Variants in VPS53 observed in about 807,000 individuals in gnomAD.
The protein encoded by VPS53 is vacuolar protein sorting-associated protein 53 homolog.
VPS53 carries 70 observed loss-of-function variants against 107.0 expected under a neutral mutation model. That is an observed-to-expected ratio of 0.65 (90% CI 0.54 to 0.80). The LOEUF is 0.80. Among genes scored for constraint, VPS53 ranks in the 30% least tolerant of loss-of-function variants. The pLI is 0.00. For missense variants in VPS53, 917 were observed against 1,049.4 expected (o/e 0.87, Z 1.74); for synonymous variants, 409 against 393.3 (o/e 1.04, Z -0.47).
intron 15 of VPS53, among the ~76,000 whole-genome samples, chr17:554,081 A>G (rs1465005372): frequency 2.0e-5 from 3 of 152,298 alleles, no homozygotes; most frequent in Non-Finnish European, 2.9e-5. Context: ...TGATTTTAAG[A>G]TACTCCCTGC....
At chr17:557,461 T>TG (rs60829015) in intron 15 of VPS53, among the ~76,000 whole-genome samples, 2,541 of 152,246 alleles carry the variant, frequency 0.017, 81 homozygotes, top group African/African-American at 0.057. Flanking sequence ...ATTTTGGGGT[T>TG]GGGGGGACAC....
chr17:679,117 A>G (rs900605099), intron 4 of VPS53, among the ~76,000 whole-genome samples: 2 of 152,202 alleles, frequency 1.3e-5, no homozygotes, highest in African/African-American at 4.8e-5. Flanking sequence ...AAAGAGGAGA[A>G]CTGACAAATA....
intron 2 of VPS53, among the ~76,000 whole-genome samples, chr17:709,145 G>A (rs1231625193): frequency 6.6e-6 from 1 of 151,730 alleles, no homozygotes; most frequent in African/African-American, 2.4e-5. Flanking sequence ...ACCCTCCGCA[G>A]CACGCTCTGT....
chr17:632,152 C>T (rs1046157832), intron 7 of VPS53, among the ~76,000 whole-genome samples: 1 of 152,060 alleles, frequency 6.6e-6, no homozygotes, highest in African/African-American at 2.4e-5. Context: ...GAGGCTGCGG[C>T]GGGAGGATCT....
intron 15 of VPS53, among the ~76,000 whole-genome samples, chr17:557,346 C>A (rs984598898): frequency 6.6e-6 from 1 of 152,130 alleles, no homozygotes; most frequent in Non-Finnish European, 1.5e-5. Context: ...TTAGATAAGG[C>A]CCCCCACCAA....
At chr17:592,091 A>G (rs1484764066) in intron 12 of VPS53, among the ~76,000 whole-genome samples, 2 of 152,166 alleles carry the variant, frequency 1.3e-5, no homozygotes, top group Non-Finnish European at 2.9e-5. Context: ...TTGGGTGCAT[A>G]TATATTTAGG....
At chr17:559,455 G>A (rs1338234851) in intron 15 of VPS53, among the ~76,000 whole-genome samples, 1 of 152,222 alleles carries the variant, frequency 6.6e-6, no homozygotes, top group Non-Finnish European at 1.5e-5. Flanking sequence ...AGTGGCCTGG[G>A]GCTAAACGGA....
intron 11 of VPS53, among the ~76,000 whole-genome samples, chr17:606,540 C>T (rs1210972639): frequency 6.6e-6 from 1 of 152,100 alleles, no homozygotes. Context: ...CACCACATCA[C>T]CATGTTTCCA....
chr17:589,526 T>C (rs1030528537), intron 12 of VPS53, among the ~76,000 whole-genome samples: 24 of 152,176 alleles, frequency 1.6e-4, no homozygotes, highest in African/African-American at 5.8e-4. Context: ...AATAAAGTTA[T>C]ATAGCAAAAT....
chr17:530,653 G>A (rs557895355), intron 19 of VPS53, among the ~76,000 whole-genome samples: 28 of 152,184 alleles, frequency 1.8e-4, no homozygotes, highest in African/African-American at 5.8e-4. Flanking sequence ...TGGTGACAGC[G>A]GACATTCTCC....
chr17:554,044 T>C (rs1912115515), intron 15 of VPS53, among the ~76,000 whole-genome samples: 1 of 152,170 alleles, frequency 6.6e-6, no homozygotes, highest in Admixed American at 6.5e-5. Flanking sequence ...CATCAATAAT[T>C]CACATCAACT....
In VPS53 at chr17:613,160, A is replaced by C. The variant is rs994134736; in HGVS notation, c.1116+10373T>G. Among the ~76,000 whole-genome samples, 3 of 150,940 alleles carry C rather than the reference A, an allele frequency of 2.0e-5. No homozygotes were observed. In the South Asian group the frequency reaches 6.4e-4, roughly 32 times the overall value. ...GAAAACCTGTACAGATATTCACAGC[A>C]GTATTCAAATAGTGAATTCACACAG... On this transcript the variant is annotated intron_variant, in intron 11 of 21. Transcript: ENST00000437048.
At chr17:707,292 C>T (rs1027052093) in intron 2 of VPS53, among the ~76,000 whole-genome samples, 2 of 152,144 alleles carry the variant, frequency 1.3e-5, no homozygotes, top group Non-Finnish European at 1.5e-5. Flanking sequence ...GAGGCCGAGG[C>T]GGGCGGATCA....
intron 1 of VPS53, among the ~76,000 whole-genome samples, chr17:712,754 C>G (rs559972056): frequency 9.2e-5 from 14 of 152,270 alleles, no homozygotes; most frequent in African/African-American, 3.1e-4. Flanking sequence ...TGTAATTCAT[C>G]CATGTAATCA....
chr17:711,385 TAG>T (rs1047128107), intron 1 of VPS53, among the ~76,000 whole-genome samples: 1 of 152,132 alleles, frequency 6.6e-6, no homozygotes, highest in African/African-American at 2.4e-5. Flanking sequence ...CAAAGAAATA[TAG>T]AGTCAAAAAA....
intron 11 of VPS53, among the ~76,000 whole-genome samples, chr17:621,698 C>T (rs944137238): frequency 2.0e-5 from 3 of 152,024 alleles, no homozygotes; most frequent in Non-Finnish European, 2.9e-5. Flanking sequence ...ATTTTTCTAA[C>T]GGGTTACTCG....
intron 2 of VPS53, among the ~76,000 whole-genome samples, chr17:701,139 T>C (rs1973182026): frequency 6.6e-6 from 1 of 151,722 alleles, no homozygotes; most frequent in South Asian, 2.1e-4. Context: ...GCCCAGACAA[T>C]ACAGTGAGAT....
chr17:542,754 G>T (rs1329010452), intron 17 of VPS53, among the ~76,000 whole-genome samples: 1 of 152,086 alleles, frequency 6.6e-6, no homozygotes, highest in Non-Finnish European at 1.5e-5. Flanking sequence ...CAAGGCAGGT[G>T]GATCACTTGA....
At chr17:559,450 C>A (rs892149025) in intron 15 of VPS53, among the ~76,000 whole-genome samples, 7 of 152,186 alleles carry the variant, frequency 4.6e-5, no homozygotes, top group African/African-American at 1.7e-4. Flanking sequence ...TGGGGAGTGG[C>A]CTGGGGCTAA....
Sources: allele counts gnomAD v4.1 joint callset (sites outside exome capture counted in the v4.1 genomes callset), GRCh38; gene constraint gnomAD v4.1.1; transcripts MANE v1.5; gene names NCBI Gene and HGNC (gene_info 2026-07-23, HGNC 2026-07-21).